Variants in ZBTB17 observed in about 807,000 individuals in gnomAD.
The protein encoded by ZBTB17 is zinc finger and BTB domain-containing protein 17.
In ZBTB17, 24 loss-of-function variants were observed where a neutral mutation model predicts 85.1. The observed-to-expected ratio is 0.28, with a 90% confidence interval of 0.20 to 0.40. The LOEUF (loss-of-function observed/expected upper bound fraction) is 0.40. Among genes scored for constraint, ZBTB17 ranks in the 10% least tolerant of loss-of-function variants. The pLI is 1.00. For synonymous variants in ZBTB17, 464 were observed against 460.2 expected, an observed-to-expected ratio of 1.01 and a Z score of -0.11; for missense variants, 743 against 1,105.1, an observed-to-expected ratio of 0.67 and a Z score of 4.65.
intron 2 of ZBTB17, among the ~76,000 whole-genome samples, chr1:15,959,697 A>C (rs1269767705): frequency 6.6e-6 from 1 of 152,128 alleles, no homozygotes; most frequent in South Asian, 2.1e-4. Context: ...ACTTAAGCCC[A>C]GGAGTTTTGA....
chr1:15,945,712 T>C lies in ZBTB17; in HGVS notation c.661+3A>G, dbSNP rs761868603. On this transcript the variant is annotated splice_donor_region_variant and intron_variant, in intron 6 of 15. Coordinates refer to ENST00000375743, the MANE Select transcript of ZBTB17 (RefSeq NM_003443.3). ...GGGCCTGGTCCTGGCTGGGCGGGGC[T>C]ACCTTGCTCCGAGCTCTCGGACAAA... 15 of 1,606,830 alleles carry C rather than the reference T, an allele frequency of 9.3e-6. No individual in the cohort carries two copies. The highest frequency in any genetic ancestry group is 1.3e-5 in the Non-Finnish European group (15 of 1,179,806).
intron 9 of ZBTB17, 171 bp downstream of exon 9, chr1:15,944,129 C>G: frequency 8.7e-7 from 1 of 1,145,750 alleles, no homozygotes; most frequent in South Asian, 1.3e-5. Flanking sequence ...CGCAGAGCAA[C>G]CGGGAGCTCC....
chr1:15,968,731 G>T (rs2072533283), intron 2 of ZBTB17, among the ~76,000 whole-genome samples: 1 of 152,210 alleles, frequency 6.6e-6, no homozygotes, highest in Non-Finnish European at 1.5e-5. Flanking sequence ...CCAGAAAACA[G>T]AAGGGGCACA....
At chr1:15,949,886 C>T (rs1191208254) in intron 2 of ZBTB17, among the ~76,000 whole-genome samples, 6 of 152,164 alleles carry the variant, frequency 3.9e-5, no homozygotes, top group Admixed American at 2.0e-4. Context: ...GGGGAAGTGA[C>T]GCAACAAATA....
chr1:15,954,368 C>G (rs1026840664), intron 2 of ZBTB17, among the ~76,000 whole-genome samples: 8 of 152,192 alleles, frequency 5.3e-5, no homozygotes, highest in African/African-American at 1.9e-4. Flanking sequence ...AGCAACTGGC[C>G]TACCATAGGG....
chr1:15,971,842 G>A (rs1210409512), intron 2 of ZBTB17, among the ~76,000 whole-genome samples: 2 of 151,622 alleles, frequency 1.3e-5, no homozygotes, highest in South Asian at 2.1e-4. Context: ...GCTGTCTGAT[G>A]TGTCAGAAGA....
Position 15,944,563 on chromosome 1 carries a change from T to C in ZBTB17, c.1108A>G (p.Ser370Gly), listed in dbSNP as rs1482743713. Residue 370 changes from serine (S) to glycine (G), a missense_variant, in exon 9 of 16, where the codon AGC becomes GGC. By Grantham distance (56) the Ser-to-Gly change is moderately conservative. Coordinates refer to ENST00000375743, the MANE Select transcript of ZBTB17 (RefSeq NM_003443.3). ...KPYGCEECGK[S>G]YRLISLLNLH... Reference sequence around the variant, plus strand: ...TTCAGCAGGCTGATGAGGCGGTAGCTCTTCCCGCACTCCTCGCAGCCGTAG... The same window carrying C: ...TTCAGCAGGCTGATGAGGCGGTAGCCCTTCCCGCACTCCTCGCAGCCGTAG... The C allele has an allele frequency of 6.3e-7, 1 of 1,597,802 alleles. No homozygotes were observed. Among genetic ancestry groups the C allele is most frequent in the Non-Finnish European group, 8.5e-7 (1 of 1,178,538 alleles).
At position 15,943,159 on chromosome 1, in the gene ZBTB17, C is replaced by T; in HGVS notation, c.1733G>A (p.Arg578His). Reference sequence around the variant, plus strand: ...GTGTGGGCGGATGTTGTCGTGGTGGCGAATATGATTGGCCAACTGGCTGGA... The same window carrying T: ...GTGTGGGCGGATGTTGTCGTGGTGGTGAATATGATTGGCCAACTGGCTGGA... ...VQSSQLANHI[R>H]HHDNIRPHKC... Residue 578 changes from arginine (R) to histidine (H), a missense_variant, in exon 13 of 16, where the codon CGC (arginine) becomes CAC (histidine). Coordinates refer to ENST00000375743, the MANE Select transcript of ZBTB17 (RefSeq NM_003443.3). The T allele has an allele frequency of 2.5e-6, 4 of 1,614,136 alleles. No individual in the cohort carries two copies. The highest frequency in any genetic ancestry group is 3.4e-6 in the Non-Finnish European group (4 of 1,180,018).
chr1:15,944,135 G>T, intron 9 of ZBTB17, 165 bp downstream of exon 9: 1 of 1,161,010 alleles, frequency 8.6e-7, no homozygotes, highest in Non-Finnish European at 1.2e-6. Flanking sequence ...GCAACCGGGA[G>T]CTCCCCCGCG....
chr1:15,971,438 C>CTATA (rs1196084594), intron 2 of ZBTB17, among the ~76,000 whole-genome samples: 8 of 87,874 alleles, frequency 9.1e-5, no homozygotes, highest in Non-Finnish European at 1.9e-4. Flanking sequence ...TACACACACA[C>CTATA]TATATATATA....
At chr1:15,975,419 G>C (rs1219781163) in intron 1 of ZBTB17, among the ~76,000 whole-genome samples, 1 of 152,210 alleles carries the variant, frequency 6.6e-6, no homozygotes. Context: ...GAGGATCCTG[G>C]AGGATCGAGT....
chr1:15,974,614 G>A (rs1325764290), intron 1 of ZBTB17, among the ~76,000 whole-genome samples: 5 of 149,566 alleles, frequency 3.3e-5, no homozygotes, highest in Non-Finnish European at 7.4e-5. Flanking sequence ...TCGCTCTGTC[G>A]CCCAGGCTGG....
Position 15,966,445 on chromosome 1 carries a change from CA to C in ZBTB17, c.-3+6593del, listed in dbSNP as rs1422491681. On this transcript the variant is annotated intron_variant, in intron 2 of 15. Transcript: ENST00000375743. This position sits in a 1 kb window ranked among gnomAD's most constrained non-coding sequence, Gnocchi z 4.1. ...TGCTTTCTGGCCCGCTCTCCACTCG[CA>C]GCGGGAATTCCCACCTCTGAGCCTC... Among the ~76,000 whole-genome samples the C allele has an allele frequency of 6.6e-6, 1 of 152,214 alleles. No individual in the cohort carries two copies. The highest frequency in any genetic ancestry group is 1.5e-5 in the Non-Finnish European group (1 of 68,042).
chr1:15,971,272 T>C (rs2072638744), intron 2 of ZBTB17, among the ~76,000 whole-genome samples: 1 of 151,268 alleles, frequency 6.6e-6, no homozygotes, highest in Non-Finnish European at 1.5e-5. Flanking sequence ...CTAAGACACA[T>C]GTTTTGGGTA....
At chr1:15,958,327 G>A (rs1181349910) in intron 2 of ZBTB17, among the ~76,000 whole-genome samples, 4 of 149,698 alleles carry the variant, frequency 2.7e-5, no homozygotes, top group Non-Finnish European at 5.9e-5. Flanking sequence ...GGAGCACAGG[G>A]CCCCTGTCAA....
intron 8 of ZBTB17, 45 bp from the exon 9 acceptor site, chr1:15,944,645 G>GA: frequency 1.2e-6 from 2 of 1,601,320 alleles, no homozygotes; most frequent in Non-Finnish European, 1.7e-6. Context: ...GCTGGGGCGT[G>GA]AAAGGCCGGG....
At chr1:15,950,426 G>A (rs1186017232) in intron 2 of ZBTB17, among the ~76,000 whole-genome samples, 2 of 152,240 alleles carry the variant, frequency 1.3e-5, no homozygotes, top group East Asian at 3.8e-4. Flanking sequence ...CCCTAGAGCT[G>A]TCTTCTCCTG....
intron 2 of ZBTB17, among the ~76,000 whole-genome samples, chr1:15,959,739 C>T (rs1183634760): frequency 6.6e-6 from 1 of 151,742 alleles, no homozygotes; most frequent in Admixed American, 6.6e-5. Context: ...CACCACTGCA[C>T]TCCAGCATAG....
intron 2 of ZBTB17, chr1:15,969,918 G>A: frequency 1.5e-6 from 1 of 649,302 alleles, no homozygotes; most frequent in Non-Finnish European, 2.8e-6. Context: ...GGAGTCAGGT[G>A]TGAATCTGCC....
Sources: gnomAD v4.1 joint callset for allele counts (sites outside exome capture counted in the v4.1 genomes callset) on GRCh38, gnomAD v4.1.1 for gene constraint, Gnocchi (gnomAD v3.1) non-coding constraint, MANE v1.5 for transcripts, NCBI Gene and HGNC (gene_info 2026-07-23, HGNC 2026-07-21) for gene names.